The following MUCL3 variants were observed in gnomAD, a reference collection of about 807,000 sequenced individuals.
MUCL3 encodes mucin-like protein 3.
Under a neutral mutation model 70.2 loss-of-function variants are expected in MUCL3, and 42 were observed. The observed-to-expected ratio is 0.60, with a 90% CI of 0.47 to 0.77. The LOEUF is 0.77. Among genes scored for constraint, MUCL3 ranks in the 30% least tolerant of loss-of-function variants. The pLI is 0.00. For missense variants in MUCL3, 1,429 were observed against 1,670.0 expected, an observed-to-expected ratio of 0.86 and a Z score of 2.52; for synonymous variants, 522 against 647.0, an observed-to-expected ratio of 0.81 and a Z score of 2.93.
chr6:30,951,209 A>T lies in MUCL3; in HGVS notation c.2745A>T (p.Thr915=). The change falls in exon 2 of 3, where the codon ACA becomes ACT. Residue 915 remains threonine (T), a synonymous_variant. Coordinates refer to ENST00000462446, the MANE Select transcript of MUCL3 (RefSeq NM_080870.4). ...ERTPFTNEKT[T]PSSAEPTEHG... ...CCCCATTTACCAATGAGAAGACCAC[A>T]CCATCCTCAGCAGAGCCTACAGAAC... 1 of 1,551,672 alleles carries T rather than the reference A, an allele frequency of 6.4e-7. No homozygotes were observed. Among genetic ancestry groups the T allele is most frequent in the South Asian group, 1.2e-5 (1 of 84,036 alleles).
Position 30,950,965 on chromosome 6 carries a change from C to A in MUCL3, c.2501C>A (p.Thr834Asn), listed in dbSNP as rs911772273. The change falls in exon 2 of 3, where the codon ACC becomes AAC. Residue 834 changes from threonine to asparagine, a missense_variant. Coordinates refer to ENST00000462446, the MANE Select transcript of MUCL3 (RefSeq NM_080870.4). ...AGAGAAAGGACAGCCAATGAGAAGA[C>A]CACACAATTCCCAGCAGAGCCTACA... ...ENRERTANEK[T>N]TQFPAEPTEN... is the part of the protein sequence containing the mutation. 2.6e-6 allele frequency: 4 copies of A among 1,548,106 alleles called. No individual in the cohort carries two copies. The highest frequency in any genetic ancestry group is 2.5e-5 in the East Asian group (1 of 40,744).
Position 30,950,238 on chromosome 6 carries a change from G to C in MUCL3, c.1774G>C (p.Glu592Gln). 3 of 1,550,668 alleles carry C rather than the reference G, an allele frequency of 1.9e-6. No homozygotes were observed. The highest frequency in any genetic ancestry group is 2.6e-6 in the Non-Finnish European group (3 of 1,146,868). Reference protein sequence around the residue: ...ENGQRTPFANEKTTSSSAEPT... With the variant: ...ENGQRTPFANQKTTSSSAEPT... ...TGGACAAAGGACCCCATTTGCCAAT[G>C]AGAAGACCACATCATCCTCAGCAGA... Residue 592 changes from glutamate (E) to glutamine (Q), a missense_variant, in exon 2 of 3, where the codon GAG becomes CAG. Coordinates refer to ENST00000462446, the MANE Select transcript of MUCL3 (RefSeq NM_080870.4).
intron 1 of MUCL3, among the ~76,000 whole-genome samples, chr6:30,944,276 CTCTG>C (rs1461829305): frequency 6.7e-6 from 1 of 148,684 alleles, no homozygotes; most frequent in Non-Finnish European, 1.5e-5. Context: ...TTCTTTCTTT[CTCTG>C]TCTCTCTTTC....
rs972028894 is a variant in MUCL3 at position 30,951,135 on chromosome 6, G to A, written c.2671G>A (p.Glu891Lys). 3.2e-6 allele frequency: 5 copies of A among 1,551,582 alleles called. No individual in the cohort carries two copies. In the African/African-American group the frequency reaches 5.5e-5, roughly 17 times the overall value. Reference sequence around the variant, plus strand: ...TGAAGAAATGACCCCATTGGCCAATGAGAAGACCACACTATCCCCAGCAGA... The same window carrying A: ...TGAAGAAATGACCCCATTGGCCAATAAGAAGACCACACTATCCCCAGCAGA... ...EHEEMTPLAN[E>K]KTTLSPAEPT... Residue 891 changes from glutamate to lysine, a missense_variant, in exon 2 of 3, where the codon GAG (glutamate) becomes AAG (lysine). Physicochemically the swap from Glu to Lys is moderately conservative, Grantham distance 56. Coordinates refer to ENST00000462446, the MANE Select transcript of MUCL3 (RefSeq NM_080870.4).
intron 1 of MUCL3, among the ~76,000 whole-genome samples, chr6:30,942,829 G>A (rs1795634590): frequency 6.6e-6 from 1 of 152,118 alleles, no homozygotes; most frequent in Non-Finnish European, 1.5e-5. Flanking sequence ...GCTTCAGGGC[G>A]GAGATCTGAA....
chr6:30,941,677 G>A (rs929872265), intron 1 of MUCL3, among the ~76,000 whole-genome samples: 3 of 151,874 alleles, frequency 2.0e-5, no homozygotes, highest in Non-Finnish European at 2.9e-5. Flanking sequence ...GGCCAGGCTG[G>A]TCTCAAATGC....
Position 30,952,005 on chromosome 6 carries a change from A to G in MUCL3, c.3541A>G (p.Thr1181Ala), listed in dbSNP as rs775128200. Residue 1181 changes from threonine (T) to alanine (A), a missense_variant, in exon 2 of 3, where the codon ACA (threonine) becomes GCA (alanine). Coordinates refer to ENST00000462446, the MANE Select transcript of MUCL3 (RefSeq NM_080870.4). ...GACCACGTCAACCACAGAGAAAACC[A>G]CAAGAACCCCAGAAAAGCCTACGCT... ...EKTTSTTEKT[T>A]RTPEKPTLYS... 5 of 1,612,772 alleles carry G rather than the reference A, an allele frequency of 3.1e-6. No individual in the cohort carries two copies. In the South Asian group the frequency reaches 4.4e-5, roughly 14 times the overall value.
At position 30,948,804 on chromosome 6, in the gene MUCL3, AATC is replaced by A; in HGVS notation, c.343_345del (p.His115del). The stretch of plus-strand genomic sequence containing the variant: ...TATAGACCACAAAAGCTCTACAGAT[AATC>A]ATGAGGCTCCTCCCACTTCTGAAGA... On this transcript the variant is annotated inframe_deletion, in exon 2 of 3. Transcript: ENST00000462446. The A allele has an allele frequency of 6.4e-7, 1 of 1,551,694 alleles. No homozygotes were observed. The highest frequency in any genetic ancestry group is 8.7e-7 in the Non-Finnish European group (1 of 1,146,990).
In MUCL3 at chr6:30,953,260, T is replaced by C; in HGVS notation, c.*143T>C. ...ACCAGTATTAACCCTTCATCTGTTC[T>C]TGAAACTGGTTGGGGAATGAGGTGA... On this transcript the variant is annotated 3_prime_UTR_variant, in exon 3 of 3. Transcript: ENST00000462446. The C allele has an allele frequency of 2.4e-6, 3 of 1,270,480 alleles. No homozygotes were observed. The highest frequency in any genetic ancestry group is 3.2e-6 in the Non-Finnish European group (3 of 948,928). The allele number at this position is 1,270,480 out of a possible 1,614,324, so 78.7% of individuals were successfully genotyped here. A position where few individuals can be genotyped will look rare whatever the true frequency, so the allele number is the denominator to read the frequency against.
Position 30,953,300 on chromosome 6 carries a change from G to T in MUCL3, c.*183G>T, listed in dbSNP as rs1476735908. On this transcript the variant is annotated 3_prime_UTR_variant, in exon 3 of 3. Coordinates refer to ENST00000462446, the MANE Select transcript of MUCL3 (RefSeq NM_080870.4). ...GAATGAGGTGATAAGCAAGGAGGGTGTAAGTTTAGGGGACAAAGAAGAAAG... is the reference window on the plus strand; with the variant it reads ...GAATGAGGTGATAAGCAAGGAGGGTTTAAGTTTAGGGGACAAAGAAGAAAG... 1.3e-6 allele frequency: 1 copy of T among 797,272 alleles called. No homozygotes were observed. The highest frequency in any genetic ancestry group is 1.9e-6 in the Non-Finnish European group (1 of 518,368). 49.4% of individuals were successfully genotyped at this position (797,272 alleles called of 1,614,324 possible).
At chr6:30,946,210 A>T (rs1300235645) in intron 1 of MUCL3, 1 of 152,286 alleles carries the variant, frequency 6.6e-6, no homozygotes, top group Non-Finnish European at 1.5e-5. Context: ...TTCAGAGACT[A>T]CAATGTGGAT....
intron 1 of MUCL3, among the ~76,000 whole-genome samples, chr6:30,945,586 G>C (rs1325008333): frequency 6.6e-6 from 1 of 151,806 alleles, no homozygotes; most frequent in Non-Finnish European, 1.5e-5. Flanking sequence ...GGTCAGGACT[G>C]CAGTGAGCTG....
rs372830634 is a variant in MUCL3 at position 30,949,592 on chromosome 6, C to T, written c.1128C>T (p.Ser376=). ...ERTANENTTP[S]PAEPTEHGER... ...CAGCCAATGAGAACACCACACCATC[C>T]CCAGCAGAGCCTACAGAACATGGAG... The change falls in exon 2 of 3, where the codon TCC becomes TCT. Residue 376 remains serine (S), a synonymous_variant. Coordinates refer to ENST00000462446, the MANE Select transcript of MUCL3 (RefSeq NM_080870.4). 2.5e-5 allele frequency: 39 copies of T among 1,540,264 alleles called. No homozygotes were observed. Among genetic ancestry groups the T allele is most frequent in the Non-Finnish European group, 3.2e-5 (36 of 1,141,288 alleles).
chr6:30,948,428 G>A (rs1760407923), intron 1 of MUCL3, 119 bp from the exon 2 acceptor site: 2 of 779,980 alleles, frequency 2.6e-6, no homozygotes, highest in Non-Finnish European at 4.0e-6. Context: ...GTATTCAGAG[G>A]AGACTGGCTG....
In MUCL3 at chr6:30,953,871, A is replaced by G. The variant is rs1269555675; in HGVS notation, c.*754A>G. On this transcript the variant is annotated 3_prime_UTR_variant, in exon 3 of 3. Coordinates refer to ENST00000462446, the MANE Select transcript of MUCL3 (RefSeq NM_080870.4). ...GTGGACACGCAAGGAGGGGATTTTTATTTGGCCAGCAGTCTCACCCACTGA... is the reference window on the plus strand; with the variant it reads ...GTGGACACGCAAGGAGGGGATTTTTGTTTGGCCAGCAGTCTCACCCACTGA... 2.0e-5 allele frequency: 3 copies of G among 151,986 alleles called. No homozygotes were observed. The highest frequency in any genetic ancestry group is 4.4e-5 in the Non-Finnish European group (3 of 67,980). The allele number at this position is 151,986 out of a possible 1,614,324, so 9.4% of individuals were successfully genotyped here.
rs1216274057 is a variant in MUCL3 at position 30,951,416 on chromosome 6, A to T, written c.2952A>T (p.Gly984=). Residue 984 remains glycine, a synonymous_variant, in exon 2 of 3, where the codon GGA becomes GGT. Transcript: ENST00000462446. ...TPSSAEPTEN[G]ERTPLANENT... ...CCTCAGCAGAGCCTACAGAAAATGG[A>T]GAAAGGACCCCACTGGCCAATGAGA... is the stretch of plus-strand genomic sequence containing the variant. 6.4e-7 allele frequency: 1 copy of T among 1,551,702 alleles called. No individual in the cohort carries two copies. Among genetic ancestry groups the T allele is most frequent in the Non-Finnish European group, 8.7e-7 (1 of 1,147,002 alleles).
chr6:30,941,457 C>CTTTTTTTT (rs9278811), intron 1 of MUCL3, among the ~76,000 whole-genome samples: 2 of 105,252 alleles, frequency 1.9e-5, no homozygotes, highest in Non-Finnish European at 4.1e-5. Flanking sequence ...TCTTCTTCTT[C>CTTTTTTTT]TTTTTTTTTT....
Position 30,953,252 on chromosome 6 carries a change from A to G in MUCL3, c.*135A>G, listed in dbSNP as rs570836355. On this transcript the variant is annotated 3_prime_UTR_variant, in exon 3 of 3. Coordinates refer to ENST00000462446, the MANE Select transcript of MUCL3 (RefSeq NM_080870.4). ...TGACGGTTACCAGTATTAACCCTTC[A>G]TCTGTTCTTGAAACTGGTTGGGGAA... The G allele has an allele frequency of 7.5e-7, 1 of 1,331,254 alleles. No homozygotes were observed. The highest frequency in any genetic ancestry group is 1.5e-5 in the South Asian group (1 of 65,042). 82.5% of individuals were successfully genotyped at this position (1,331,254 alleles called of 1,614,324 possible). A position where few individuals can be genotyped will look rare whatever the true frequency, so the allele number is the denominator to read the frequency against.
At chr6:30,941,103 C>G (rs572290752) in intron 1 of MUCL3, 22 bp downstream of exon 1, 3 of 1,547,472 alleles carry the variant, frequency 1.9e-6, no homozygotes, top group Non-Finnish European at 2.6e-6. Context: ...ACAGGGGATA[C>G]AGAAGACAGA....
Sources: allele counts gnomAD v4.1 joint callset (sites outside exome capture counted in the v4.1 genomes callset), GRCh38; gene constraint gnomAD v4.1.1; transcripts MANE v1.5; gene names NCBI Gene and HGNC (gene_info 2026-07-23, HGNC 2026-07-21).